The following NAALADL2 variants were observed in gnomAD, a reference collection of about 807,000 sequenced individuals.
The protein encoded by NAALADL2 is inactive N-acetylated-alpha-linked acidic dipeptidase-like protein 2.
NAALADL2 carries 76 observed loss-of-function variants against 87.2 expected under a neutral mutation model. The observed-to-expected ratio is 0.87, with a 90% CI of 0.72 to 1.05. NAALADL2 has a LOEUF of 1.05. NAALADL2 is among the 50% of genes least tolerant of loss of function. NAALADL2 has a pLI of 0.00. For synonymous variants in NAALADL2, 354 were observed against 331.0 expected (o/e 1.07, Z -0.75); for missense variants, 1,089 against 945.8 (o/e 1.15, Z -1.99).
rs1247524229 is a variant in NAALADL2, at chr3:175,348,550, G to C, written c.1090+24225G>C. ...GGCCATGTTCCCCCTGAAGGTTCTAGGGTAGGATCCTCCCTTGCATCTTCC... is the reference window on the plus strand; with the variant it reads ...GGCCATGTTCCCCCTGAAGGTTCTACGGTAGGATCCTCCCTTGCATCTTCC... On this transcript the variant is annotated intron_variant, in intron 5 of 13. Coordinates refer to ENST00000454872, the MANE Select transcript of NAALADL2 (RefSeq NM_207015.3). Among the ~76,000 whole-genome samples the C allele has an allele frequency of 2.6e-5, 4 of 152,200 alleles. No homozygotes were observed. In the East Asian group the frequency reaches 7.7e-4, roughly 29 times the overall value.
At chr3:175,393,117 A>C (rs1311815676) in intron 5 of NAALADL2, among the ~76,000 whole-genome samples, 1 of 151,202 alleles carries the variant, frequency 6.6e-6, no homozygotes, top group African/African-American at 2.4e-5. Context: ...TACTAAAAAT[A>C]CAAAAAATTA....
intron 11 of NAALADL2, among the ~76,000 whole-genome samples, chr3:175,691,778 G>A (rs144903079): frequency 3.9e-5 from 6 of 152,110 alleles, no homozygotes; most frequent in Non-Finnish European, 8.8e-5. Flanking sequence ...ACAGTGGTTT[G>A]CATTTTTATA....
At chr3:174,970,580 A>G (rs1295722068) in intron 1 of NAALADL2, among the ~76,000 whole-genome samples, 2 of 152,176 alleles carry the variant, frequency 1.3e-5, no homozygotes, top group African/African-American at 4.8e-5. Flanking sequence ...AATGAGGTAA[A>G]TTAGAACCAT....
rs531728457 is a variant in NAALADL2, at chr3:175,368,415, A to G, written c.1090+44090A>G. ...TCCCTCTTTTTCTATTGATTGGAAT[A>G]GTTTCAGAAGGAATGGTACCAGTTC... On this transcript the variant is annotated intron_variant, in intron 5 of 13. Transcript: ENST00000454872. Among the ~76,000 whole-genome samples, 7 of 152,306 alleles carry G rather than the reference A, an allele frequency of 4.6e-5. No individual in the cohort carries two copies. In the South Asian group the frequency reaches 1.5e-3, roughly 32 times the overall value.
At chr3:175,324,530 A>G (rs2110439338) in intron 5 of NAALADL2, among the ~76,000 whole-genome samples, 1 of 152,346 alleles carries the variant, frequency 6.6e-6, no homozygotes, top group Non-Finnish European at 1.5e-5. Flanking sequence ...ACTGTAATGT[A>G]TTTTTATCTC....
intron 1 of NAALADL2, among the ~76,000 whole-genome samples, chr3:174,465,121 G>C (rs757660562): frequency 5.3e-5 from 8 of 151,866 alleles, no homozygotes; most frequent in Non-Finnish European, 1.0e-4. Context: ...ACTTTTTTAT[G>C]CACAATGAAA....
At chr3:174,837,943 G>C (rs965708102) in intron 3 of NAALADL2, among the ~76,000 whole-genome samples, 1 of 146,192 alleles carries the variant, frequency 6.8e-6, no homozygotes, top group Non-Finnish European at 1.5e-5. Flanking sequence ...GATAGAGAAA[G>C]AGAGAAACCT....
Position 174,690,700 on chromosome 3 carries a change from T to C in NAALADL2, c.-114-46941T>C, listed in dbSNP as rs115652192. On this transcript the variant is annotated intron_variant, in intron 2 of 3. Transcript: ENST00000434257. ...TGAGCCTTTTATTTAATTTTGTGTG[T>C]TCTGTAATTTGTTAATAAAAGGGTA... Among the ~76,000 whole-genome samples, 1,285 of 152,222 alleles carry C rather than the reference T, an allele frequency of 8.4e-3. 5 individuals are homozygous for C. Among genetic ancestry groups the C allele is most frequent in the Non-Finnish European group, 0.014 (943 of 68,006 alleles).
At chr3:174,651,040 A>G (rs1022882034) in intron 2 of NAALADL2, among the ~76,000 whole-genome samples, 1 of 152,120 alleles carries the variant, frequency 6.6e-6, no homozygotes, top group African/African-American at 2.4e-5. Context: ...CAGGAAAAAA[A>G]TGATACCCTT....
At chr3:174,863,865 T>C (rs567793593) in intron 1 of NAALADL2, 15 of 317,330 alleles carry the variant, frequency 4.7e-5, no homozygotes, top group African/African-American at 3.2e-4. Context: ...GGAGCTCCTG[T>C]TGGACCTGTG....
chr3:174,523,075 A>G (rs1578079725), intron 1 of NAALADL2, among the ~76,000 whole-genome samples: 1 of 152,216 alleles, frequency 6.6e-6, no homozygotes, highest in South Asian at 2.1e-4. Context: ...ACCAGATACC[A>G]GGTCTGCTGG....
chr3:174,868,426 G>C (rs1305360592), intron 1 of NAALADL2, among the ~76,000 whole-genome samples: 2 of 152,050 alleles, frequency 1.3e-5, no homozygotes, highest in Non-Finnish European at 2.9e-5. Context: ...CAAACACTTG[G>C]AGCAGTCCAT....
At chr3:175,593,362 C>T (rs1236083225) in intron 10 of NAALADL2, among the ~76,000 whole-genome samples, 3 of 152,182 alleles carry the variant, frequency 2.0e-5, no homozygotes, top group East Asian at 3.9e-4. Flanking sequence ...AGTGAGTATG[C>T]TAATTAAGCT....
intron 1 of NAALADL2, among the ~76,000 whole-genome samples, chr3:175,087,835 C>A (rs550455742): frequency 6.6e-6 from 1 of 151,696 alleles, no homozygotes; most frequent in Non-Finnish European, 1.5e-5. Context: ...TATCTGCTGA[C>A]CTTCCCTCCA....
chr3:174,940,216 T>A (rs954626682), intron 1 of NAALADL2, among the ~76,000 whole-genome samples: 1 of 152,182 alleles, frequency 6.6e-6, no homozygotes, highest in African/African-American at 2.4e-5. Flanking sequence ...GTTTATAACA[T>A]GAAGGAGTGT....
intron 11 of NAALADL2, among the ~76,000 whole-genome samples, chr3:175,674,214 T>G (rs1734401818): frequency 6.6e-6 from 1 of 152,078 alleles, no homozygotes; most frequent in Admixed American, 6.6e-5. Context: ...ATTCTTGCAT[T>G]TTGTTTTGTA....
intron 6 of NAALADL2, among the ~76,000 whole-genome samples, chr3:175,460,384 A>G (rs1722934273): frequency 6.6e-6 from 1 of 152,200 alleles, no homozygotes; most frequent in Admixed American, 6.6e-5. Context: ...GCTTTTTGCT[A>G]TGTAAATATG....
chr3:175,320,122 T>G (rs1759659175), intron 4 of NAALADL2, among the ~76,000 whole-genome samples: 2 of 152,236 alleles, frequency 1.3e-5, no homozygotes, highest in Non-Finnish European at 2.9e-5. Context: ...TTATGTTCTC[T>G]AATTACTTTT....
intron 9 of NAALADL2, among the ~76,000 whole-genome samples, chr3:175,545,085 T>G (rs945549776): frequency 1.3e-5 from 2 of 152,168 alleles, no homozygotes; most frequent in African/African-American, 4.8e-5. Context: ...CATTTAGATT[T>G]TTCCAAAAAC....
Sources: gnomAD v4.1 joint callset for allele counts (sites outside exome capture counted in the v4.1 genomes callset) on GRCh38, gnomAD v4.1.1 for gene constraint, MANE v1.5 for transcripts, NCBI Gene and HGNC (gene_info 2026-07-23, HGNC 2026-07-21) for gene names.